Variants in RARB observed in about 807,000 individuals in gnomAD.
RARB encodes HBV-activated protein.
In RARB, 17 loss-of-function variants were observed where a neutral mutation model predicts 51.9. The ratio of observed to expected loss-of-function variants is 0.33; its 90% CI spans 0.22 to 0.49. The LOEUF (loss-of-function observed/expected upper bound fraction) is 0.49, where lower values mean the gene tolerates loss of function less well. Ranked by LOEUF, RARB falls within the 20% of genes least tolerant of loss-of-function variation. The probability of loss-of-function intolerance (pLI) is 0.99; values close to 1 mark genes in which losing one functional copy is unlikely to be tolerated. For missense variants in RARB, 369 were observed against 550.8 expected (o/e 0.67, Z 3.30); for synonymous variants, 215 against 195.4 (o/e 1.10, Z -0.84).
intron 2 of RARB, among the ~76,000 whole-genome samples, chr3:24,966,245 G>C (rs1052063562): frequency 1.3e-5 from 2 of 152,162 alleles, no homozygotes; most frequent in Admixed American, 6.5e-5. Flanking sequence ...AGAAGGAGGG[G>C]GAGGTGAAAG....
Position 25,065,335 on chromosome 3 carries a change from A to G in RARB, c.-328+5159A>G, listed in dbSNP as rs548622325. ...AAATACAAGTGTTAAAAAACTCGTTATCAGGTTAATAACTATGCTTTTCCT... is the reference window on the plus strand; with the variant it reads ...AAATACAAGTGTTAAAAAACTCGTTGTCAGGTTAATAACTATGCTTTTCCT... On this transcript the variant is annotated intron_variant, in intron 3 of 11. Coordinates refer to the RARB transcript ENST00000383772. Among the ~76,000 whole-genome samples, 21 of 152,318 alleles carry G rather than the reference A, an allele frequency of 1.4e-4. No individual in the cohort carries two copies. The South Asian group carries it at 4.4e-3, about 32-fold the overall frequency.
intron 3 of RARB, among the ~76,000 whole-genome samples, chr3:25,526,756 C>G (rs1698669030): frequency 6.6e-6 from 1 of 152,138 alleles, no homozygotes; most frequent in Non-Finnish European, 1.5e-5. Flanking sequence ...AGGCCACTCT[C>G]AAACTTTAAA....
intron 2 of RARB, among the ~76,000 whole-genome samples, chr3:25,021,609 C>G (rs1697637465): frequency 6.6e-6 from 1 of 151,964 alleles, no homozygotes; most frequent in South Asian, 2.1e-4. Context: ...GAAAAATAAA[C>G]AATTCATCTT....
chr3:24,958,091 G>A (rs1271177673), intron 2 of RARB, among the ~76,000 whole-genome samples: 1 of 151,902 alleles, frequency 6.6e-6, no homozygotes, highest in Non-Finnish European at 1.5e-5. Context: ...ACCCAGACAA[G>A]CCAGGTTCAA....
intron 2 of RARB, among the ~76,000 whole-genome samples, chr3:25,492,017 C>A (rs886494032): frequency 2.0e-5 from 3 of 152,194 alleles, no homozygotes; most frequent in African/African-American, 7.2e-5. Context: ...GCTCTGGGCC[C>A]TTCTAGATGC....
chr3:24,985,516 T>C (rs556039883), intron 2 of RARB, among the ~76,000 whole-genome samples: 38 of 152,212 alleles, frequency 2.5e-4, no homozygotes, highest in Non-Finnish European at 4.7e-4. Flanking sequence ...AATTTTACCT[T>C]ACAGGTTTTC....
intron 5 of RARB, among the ~76,000 whole-genome samples, chr3:25,387,816 C>A (rs1028811357): frequency 6.6e-6 from 1 of 151,650 alleles, no homozygotes; most frequent in Admixed American, 6.6e-5. Context: ...TCAAAATAAT[C>A]ACTTACCAAA....
chr3:25,199,714 C>A (rs769389040), intron 5 of RARB, among the ~76,000 whole-genome samples: 2 of 152,020 alleles, frequency 1.3e-5, no homozygotes, highest in Non-Finnish European at 2.9e-5. Flanking sequence ...CTTGACCTTG[C>A]GATAGTTTGC....
At chr3:25,374,529 G>T (rs1706399195) in intron 5 of RARB, among the ~76,000 whole-genome samples, 1 of 152,140 alleles carries the variant, frequency 6.6e-6, no homozygotes, top group Admixed American at 6.5e-5. Context: ...TACCCCCACA[G>T]AAGTTAGTGG....
chr3:25,301,001 C>G (rs1295449448), intron 5 of RARB, among the ~76,000 whole-genome samples: 1 of 152,050 alleles, frequency 6.6e-6, no homozygotes, highest in Non-Finnish European at 1.5e-5. Flanking sequence ...TGTCTCAAAA[C>G]AAAAATCTCT....
In RARB at chr3:25,367,540, G is replaced by T. The variant is rs528872368; in HGVS notation, c.179-93653G>T. Among the ~76,000 whole-genome samples, 88 of 152,088 alleles carry T rather than the reference G, an allele frequency of 5.8e-4. 1 individual carries two copies. The highest frequency in any genetic ancestry group is 1.0e-3 in the South Asian group (5 of 4,814). ...AGCTGAAATGTGGCTGTTCAGCCAG[G>T]CATGGTGGCTCATACCTTTAACCTC... On this transcript the variant is annotated intron_variant, in intron 5 of 11. Coordinates refer to the RARB transcript ENST00000383772.
intron 5 of RARB, among the ~76,000 whole-genome samples, chr3:25,422,751 C>T (rs1019796401): frequency 2.6e-5 from 4 of 151,540 alleles, no homozygotes; most frequent in African/African-American, 9.7e-5. Flanking sequence ...TCATGAGATA[C>T]ACAAGTTGAA....
intron 5 of RARB, among the ~76,000 whole-genome samples, chr3:25,369,846 C>T (rs1002483836): frequency 3.3e-5 from 5 of 151,990 alleles, no homozygotes; most frequent in African/African-American, 1.2e-4. Flanking sequence ...CGCTTGAACC[C>T]GGGAGGCAGA....
At chr3:24,842,648 A>C (rs890601074) in intron 1 of RARB, among the ~76,000 whole-genome samples, 1 of 152,232 alleles carries the variant, frequency 6.6e-6, no homozygotes, top group African/African-American at 2.4e-5. Context: ...CTATGAGCTT[A>C]AAGAGTGGGC....
intron 3 of RARB, among the ~76,000 whole-genome samples, chr3:25,555,386 C>G (rs1292536124): frequency 6.6e-6 from 1 of 152,062 alleles, no homozygotes; most frequent in Admixed American, 6.6e-5. Flanking sequence ...CACTTATTAC[C>G]TGTCATTATA....
intron 5 of RARB, among the ~76,000 whole-genome samples, chr3:25,593,212 A>C (rs1701681574): frequency 6.6e-6 from 1 of 151,890 alleles, no homozygotes; most frequent in African/African-American, 2.4e-5. Flanking sequence ...CTGGGACATA[A>C]TTAGGCACTC....
intron 2 of RARB, among the ~76,000 whole-genome samples, chr3:24,918,818 G>C (rs181254262): frequency 6.6e-6 from 1 of 152,160 alleles, no homozygotes; most frequent in East Asian, 1.9e-4. Flanking sequence ...TTGAACCCAG[G>C]ATGCAGAGGT....
intron 5 of RARB, among the ~76,000 whole-genome samples, chr3:25,279,244 A>G (rs1385459910): frequency 1.3e-5 from 2 of 152,120 alleles, no homozygotes; most frequent in South Asian, 2.1e-4. Flanking sequence ...CTGCCTTCAA[A>G]CTTCCTTCTA....
intron 3 of RARB, among the ~76,000 whole-genome samples, chr3:25,126,115 A>G (rs1021624980): frequency 1.3e-5 from 2 of 152,228 alleles, no homozygotes; most frequent in Admixed American, 6.5e-5. Context: ...TGTGTGTGAT[A>G]TATTGAAGTG....
Sources: allele counts gnomAD v4.1 joint callset (sites outside exome capture counted in the v4.1 genomes callset), GRCh38; gene constraint gnomAD v4.1.1; transcripts MANE v1.5; gene names NCBI Gene and HGNC (gene_info 2026-07-23, HGNC 2026-07-21).